SP140: variants seen among roughly 807,000 people sequenced by gnomAD.
SP140 encodes the protein SP140 nuclear body protein.
A neutral mutation model predicts 125.0 loss-of-function variants in SP140; 81 were observed. That is an observed-to-expected ratio of 0.65 (90% CI 0.54 to 0.78). SP140 has a LOEUF of 0.78. Among genes scored for constraint, SP140 ranks in the 30% least tolerant of loss-of-function variants. SP140 has a pLI of 0.00. For missense variants in SP140, 858 were observed against 1,037.0 expected (o/e 0.83, Z 2.37); for synonymous variants, 312 against 354.0 (o/e 0.88, Z 1.33).
chr2:230,258,812 T>G (rs1307005146), intron 12 of SP140, among the ~76,000 whole-genome samples: 1 of 152,212 alleles, frequency 6.6e-6, no homozygotes, highest in Non-Finnish European at 1.5e-5. Flanking sequence ...GTTTATATAT[T>G]TTATTTTCAC....
At chr2:230,194,130 G>A in the SP140 span, among the ~76,000 whole-genome samples, 4 of 152,058 alleles carry the variant, frequency 2.6e-5, no homozygotes, top group Non-Finnish European at 5.9e-5. Flanking sequence ...GGCATGCTGG[G>A]AACAAGCAGA....
intron 15 of SP140, among the ~76,000 whole-genome samples, chr2:230,276,294 C>T (rs1364889145): frequency 1.3e-5 from 2 of 152,286 alleles, no homozygotes; most frequent in African/African-American, 2.4e-5. Context: ...CAGCAGGTGA[C>T]TTTCCCTTGA....
chr2:230,284,865 G>T (rs573359335), intron 16 of SP140, among the ~76,000 whole-genome samples: 2 of 152,044 alleles, frequency 1.3e-5, no homozygotes, highest in African/African-American at 2.4e-5. Flanking sequence ...CATATAAAAA[G>T]ACATAAATAT....
chr2:230,253,349 A>G lies in SP140; in HGVS notation c.1091A>G (p.Lys364Arg). Reference protein sequence around the residue: ...SCLSAETFDLKTPQVTNEGEP... With the variant: ...SCLSAETFDLRTPQVTNEGEP... ...TTATCTGCAGAGACCTTTGATCTAA[A>G]GACTCCCCAAGTCACTAATGAAGGA... Residue 364 changes from lysine (K) to arginine (R), a missense_variant, in exon 11 of 27, where the codon AAG becomes AGG. Around this residue, in one of 4 missense-constraint regions of SP140, gnomAD observed 791 missense variants for 869.5 expected, o/e 0.91. Transcript: ENST00000392045. 1 of 1,612,686 alleles carries G rather than the reference A, an allele frequency of 6.2e-7. No homozygotes were observed. The highest frequency in any genetic ancestry group is 8.5e-7 in the Non-Finnish European group (1 of 1,178,734).
chr2:230,231,712 T>C (rs888067548), intron 1 of SP140, among the ~76,000 whole-genome samples: 1 of 152,042 alleles, frequency 6.6e-6, no homozygotes, highest in Non-Finnish European at 1.5e-5. Context: ...CACCCTTTTT[T>C]TTCAATTTTT....
intron 12 of SP140, among the ~76,000 whole-genome samples, chr2:230,267,484 A>G (rs1395070827): frequency 6.6e-6 from 1 of 152,250 alleles, no homozygotes; most frequent in Middle Eastern, 3.2e-3. Flanking sequence ...TGAGATGTGG[A>G]AACATTCAGT....
chr2:230,195,352 G>T, the SP140 span, among the ~76,000 whole-genome samples: 1 of 152,056 alleles, frequency 6.6e-6, no homozygotes, highest in Non-Finnish European at 1.5e-5. Context: ...AAAGTTTTTT[G>T]GGGACAGAGT....
chr2:230,293,491 C>G (rs898939639), intron 20 of SP140, among the ~76,000 whole-genome samples: 1 of 152,138 alleles, frequency 6.6e-6, no homozygotes, highest in Non-Finnish European at 1.5e-5. Context: ...TGTGCACCAC[C>G]ATGCCAGGCT....
chr2:230,310,054 G>A lies in SP140; in HGVS notation c.2174+15G>A, dbSNP rs1299083932. Reference sequence around the variant, plus strand: ...GAAGCTGAGAGGTAAGTGACATGCAGGCGTCTCTCTTTTTGTCCTTTAAGG... The same window carrying A: ...GAAGCTGAGAGGTAAGTGACATGCAAGCGTCTCTCTTTTTGTCCTTTAAGG... On this transcript the variant is annotated intron_variant, in intron 23 of 26. Coordinates refer to ENST00000392045, the MANE Select transcript of SP140 (RefSeq NM_007237.5). The A allele has an allele frequency of 3.7e-6, 6 of 1,612,858 alleles. No homozygotes were observed. The highest frequency in any genetic ancestry group is 5.1e-6 in the Non-Finnish European group (6 of 1,178,804).
At chr2:230,291,229 G>A (rs1238693860) in intron 19 of SP140, among the ~76,000 whole-genome samples, 1 of 152,192 alleles carries the variant, frequency 6.6e-6, no homozygotes, top group African/African-American at 2.4e-5. Context: ...CTCTTTGGAT[G>A]TCAATTAACA....
At chr2:230,198,120 G>A (rs747311289), upstream of SP140, among the ~76,000 whole-genome samples, 1 of 152,208 alleles carries the variant, frequency 6.6e-6, no homozygotes, top group Non-Finnish European at 1.5e-5. Context: ...CCCTCTGTAG[G>A]ACTGGAAGTC....
the SP140 span, among the ~76,000 whole-genome samples, chr2:230,196,543 TA>T: frequency 0.014 from 2,108 of 151,930 alleles, 20 homozygotes; most frequent in Non-Finnish European, 0.021. Flanking sequence ...TTCTTTTTTT[TA>T]AAATTTTATT....
At chr2:230,263,181 T>C (rs2052555420) in intron 12 of SP140, among the ~76,000 whole-genome samples, 1 of 152,248 alleles carries the variant, frequency 6.6e-6, no homozygotes, top group Non-Finnish European at 1.5e-5. Flanking sequence ...CGTATTTTCC[T>C]GTTGGACAAG....
chr2:230,214,839 C>T (rs1574776451), intron 3 of SP140: 4 of 897,866 alleles, frequency 4.5e-6, no homozygotes, highest in Non-Finnish European at 7.3e-6. Context: ...CCATTCCACC[C>T]CAGAGAGAAG....
At chr2:230,273,694 C>T (rs557579947) in intron 15 of SP140, among the ~76,000 whole-genome samples, 2 of 152,250 alleles carry the variant, frequency 1.3e-5, no homozygotes, top group South Asian at 2.1e-4. Context: ...ATGGAATCAA[C>T]CTAAATGTCC....
intron 1 of SP140, among the ~76,000 whole-genome samples, chr2:230,205,070 G>A (rs905462389): frequency 1.3e-5 from 2 of 152,124 alleles, no homozygotes; most frequent in Non-Finnish European, 2.9e-5. Flanking sequence ...GGCAATAGGA[G>A]GCCATGGACA....
chr2:230,246,615 A>G (rs932114776), intron 7 of SP140, among the ~76,000 whole-genome samples: 6 of 152,230 alleles, frequency 3.9e-5, no homozygotes, highest in Non-Finnish European at 7.3e-5. Flanking sequence ...CTTTGATACT[A>G]TGGCAGAAAA....
intron 12 of SP140, among the ~76,000 whole-genome samples, chr2:230,265,532 TA>T (rs2149323166): frequency 6.6e-6 from 1 of 152,298 alleles, no homozygotes; most frequent in African/African-American, 2.4e-5. Context: ...TGTGTAGTTT[TA>T]CCCCCTGCTC....
At chr2:230,200,367 C>A (rs41423848), upstream of SP140, 23,022 of 158,184 alleles carry the variant, frequency 0.15, 2,056 homozygotes, top group South Asian at 0.27. Context: ...CACAATTTTA[C>A]CAGCACATGC....
Sources: allele counts gnomAD v4.1 joint callset (sites outside exome capture counted in the v4.1 genomes callset), GRCh38; gene constraint gnomAD v4.1.1; regional missense constraint gnomAD v4.1.1; transcripts MANE v1.5; gene names NCBI Gene and HGNC (gene_info 2026-07-23, HGNC 2026-07-21).